CRYBB3: variants seen among roughly 807,000 people sequenced by gnomAD.
CRYBB3 encodes crystallin beta B3.
A neutral mutation model predicts 28.3 loss-of-function variants in CRYBB3; 35 were observed. The ratio of observed to expected loss-of-function variants is 1.24; its 90% confidence interval spans 0.95 to 1.64. The LOEUF is 1.64. Ranked by LOEUF, CRYBB3 falls within the 40% of genes most tolerant of loss-of-function variation. CRYBB3 has a pLI of 0.00. For missense variants in CRYBB3, 296 were observed against 297.4 expected, an observed-to-expected ratio of 1.00 and a Z score of 0.04; for synonymous variants, 106 against 110.4, an observed-to-expected ratio of 0.96 and a Z score of 0.25.
rs113363513 is a variant in CRYBB3 at position 25,201,358 on chromosome 22, A to G, written c.-20-19A>G. ...TTCTCCCGGGTGGATCCAGTGAACC[A>G]TTTTCTTTTGGTTTGAAGCCAGAGG... On this transcript the variant is annotated intron_variant, in intron 1 of 5. Transcript: ENST00000215855. 1.6e-5 allele frequency: 25 copies of G among 1,611,290 alleles called. No individual in the cohort carries two copies. In the African/African-American group the frequency reaches 2.3e-4, roughly 15 times the overall value.
chr22:25,205,203 C>G lies in CRYBB3; in HGVS notation c.328-17C>G, dbSNP rs1340634484. The G allele has an allele frequency of 6.2e-7, 1 of 1,613,554 alleles. No individual in the cohort carries two copies. Among genetic ancestry groups the G allele is most frequent in the Admixed American group, 1.7e-5 (1 of 60,000 alleles). ...TGGATATGGGAGCAGCCGCTCACCC[C>G]ACGATATTGCCCTCAGGATAGTCCA... is the stretch of plus-strand genomic sequence containing the variant. On this transcript the variant is annotated splice_polypyrimidine_tract_variant and intron_variant, in intron 4 of 5. Coordinates refer to ENST00000215855, the MANE Select transcript of CRYBB3 (RefSeq NM_004076.5).
At position 25,201,424 on chromosome 22, in the gene CRYBB3, C is replaced by A. The variant is rs1359445455; in HGVS notation, c.28C>A (p.Gln10Lys). 6.2e-7 allele frequency: 1 copy of A among 1,613,496 alleles called. No homozygotes were observed. The change falls in exon 2 of 6, where the codon CAG (glutamine) becomes AAG (lysine). Residue 10 changes from glutamine to lysine, a missense_variant. By Grantham distance (53) the Gln-to-Lys change is moderately conservative (BLOSUM62 1). Coordinates refer to ENST00000215855, the MANE Select transcript of CRYBB3 (RefSeq NM_004076.5). ...GGCGGAACAGCACGGAGCACCCGAA[C>A]AGGCTGCAGCTGGCAAGAGCCATGG... is the stretch of plus-strand genomic sequence containing the variant. MAEQHGAPE[Q>K]AAAGKSHGDL...
chr22:25,203,981 G>A, intron 4 of CRYBB3, 86 bp downstream of exon 4: 1 of 1,575,188 alleles, frequency 6.3e-7, no homozygotes, highest in African/African-American at 1.3e-5. Context: ...CACAAGCTGG[G>A]CTGAGGGTTT....
At chr22:25,205,192 G>A in intron 4 of CRYBB3, 28 bp from the exon 5 acceptor site, 2 of 1,613,026 alleles carry the variant, frequency 1.2e-6, no homozygotes, top group Non-Finnish European at 1.7e-6. Flanking sequence ...TATGGGAGCA[G>A]CCGCTCACCC....
At chr22:25,202,848 G>A in intron 3 of CRYBB3, 56 bp downstream of exon 3, 2 of 1,605,798 alleles carry the variant, frequency 1.2e-6, no homozygotes, top group Non-Finnish European at 1.7e-6. Context: ...TGGGAGTGTG[G>A]AGGCCCCAGT....
intron 1 of CRYBB3, 96 bp from the exon 2 acceptor site, chr22:25,201,281 G>A (rs2146071777): frequency 6.3e-7 from 1 of 1,583,062 alleles, no homozygotes; most frequent in Non-Finnish European, 8.6e-7. Flanking sequence ...ACGCCCCATG[G>A]GCAGCAAGGC....
In CRYBB3 at chr22:25,207,129, G is replaced by C. The variant is rs778621834; in HGVS notation, c.553G>C (p.Asp185His). The change falls in exon 6 of 6, where the codon GAC becomes CAC. Residue 185 changes from aspartate to histidine, a missense_variant. By Grantham distance (81) the Asp-to-His change is moderately conservative (BLOSUM62 -1). Coordinates refer to ENST00000215855, the MANE Select transcript of CRYBB3 (RefSeq NM_004076.5). ...CGAGTACCGCCACTGGAATGAGTGG[G>C]ACGCCAGCCAGCCGCAGCTGCAGTC... ...RGEYRHWNEW[D>H]ASQPQLQSVR... 1.9e-6 allele frequency: 3 copies of C among 1,613,506 alleles called. No individual in the cohort carries two copies.
intron 5 of CRYBB3, among the ~76,000 whole-genome samples, chr22:25,206,489 G>C (rs1443753413): frequency 6.6e-6 from 1 of 152,174 alleles, no homozygotes; most frequent in Non-Finnish European, 1.5e-5. Context: ...GTTGTAGTGA[G>C]CCGAGATCAC....
At position 25,205,377 on chromosome 22, in the gene CRYBB3, C is replaced by A. The variant is rs760118838; in HGVS notation, c.470+15C>A. 2 of 1,613,784 alleles carry A rather than the reference C, an allele frequency of 1.2e-6. No individual in the cohort carries two copies. Among genetic ancestry groups the A allele is most frequent in the Admixed American group, 1.7e-5 (1 of 59,994 alleles). ...ATCAACGGGACGTAAGGGACCCAAC[C>A]CTCACCCTTGCCCCATCTTCTGGTC... On this transcript the variant is annotated intron_variant, in intron 5 of 5. Transcript: ENST00000215855.
At chr22:25,203,643 TA>T in intron 3 of CRYBB3, 119 bp from the exon 4 acceptor site, 2 of 1,094,808 alleles carry the variant, frequency 1.8e-6, no homozygotes, top group South Asian at 2.6e-5. Flanking sequence ...GAATTAGCAG[TA>T]GGGTTGGAGG....
At chr22:25,203,954 G>A in intron 4 of CRYBB3, 59 bp downstream of exon 4, 1 of 1,609,182 alleles carries the variant, frequency 6.2e-7, no homozygotes, top group African/African-American at 1.3e-5. Context: ...ACTGAGAGCT[G>A]GTCAGGCAGC....
At chr22:25,201,498 G>A (rs1334105576) in intron 2 of CRYBB3, 27 bp downstream of exon 2, 1 of 1,610,082 alleles carries the variant, frequency 6.2e-7, no homozygotes. Flanking sequence ...GGGTCAGAGG[G>A]CCCAGGCTAC....
intron 2 of CRYBB3, 52 bp downstream of exon 2, chr22:25,201,523 G>A: frequency 1.2e-6 from 2 of 1,600,832 alleles, no homozygotes; most frequent in South Asian, 2.2e-5. Context: ...GGGCCTCAGG[G>A]TCATCTTCCC....
In CRYBB3 at chr22:25,202,745, C is replaced by G; in HGVS notation, c.147C>G (p.Thr49=). The G allele has an allele frequency of 6.2e-7, 1 of 1,614,044 alleles. No individual in the cohort carries two copies. The highest frequency in any genetic ancestry group is 1.7e-5 in the Admixed American group (1 of 60,026). ...CELSAECPSL[T]DSLLEKVGSI... ...TCTCGGCCGAGTGCCCCAGCCTGAC[C>G]GACAGCCTGCTGGAGAAGGTGGGCT... The change falls in exon 3 of 6, where the codon ACC becomes ACG. Residue 49 remains threonine, a synonymous_variant. Coordinates refer to ENST00000215855, the MANE Select transcript of CRYBB3 (RefSeq NM_004076.5).
intron 4 of CRYBB3, among the ~76,000 whole-genome samples, chr22:25,204,286 A>C (rs994095077): frequency 6.6e-6 from 1 of 152,254 alleles, no homozygotes; most frequent in Admixed American, 6.5e-5. Context: ...TAGCACCTGA[A>C]AGGGACACAG....
Position 25,205,221 on chromosome 22 carries a change from A to G in CRYBB3, c.329A>G (p.Asp110Gly), listed in dbSNP as rs370333197. 6.2e-6 allele frequency: 10 copies of G among 1,613,822 alleles called. No homozygotes were observed. The African/African-American group carries it at 1.1e-4, about 17-fold the overall frequency. Residue 110 changes from aspartate to glycine, a missense_variant and splice_region_variant, in exon 5 of 6, where the codon GAT becomes GGT. By Grantham distance (94) the Asp-to-Gly change is moderately conservative. Coordinates refer to ENST00000215855, the MANE Select transcript of CRYBB3 (RefSeq NM_004076.5). ...SLLSLRPLNIDSPHHKLHLFE... is the reference protein window; with the variant it reads ...SLLSLRPLNIGSPHHKLHLFE... Reference sequence around the variant, plus strand: ...CTCACCCCACGATATTGCCCTCAGGATAGTCCACATCACAAGCTGCATCTG... The same window carrying G: ...CTCACCCCACGATATTGCCCTCAGGGTAGTCCACATCACAAGCTGCATCTG...
At chr22:25,205,149 G>A (rs746643400) in intron 4 of CRYBB3, 71 bp from the exon 5 acceptor site, 59 of 1,601,626 alleles carry the variant, frequency 3.7e-5, no homozygotes, top group African/African-American at 9.4e-5. Context: ...GATTCTTTCC[G>A]GCATCTGGAG....
chr22:25,205,980 A>G (rs1464387584), intron 5 of CRYBB3, among the ~76,000 whole-genome samples: 1 of 152,110 alleles, frequency 6.6e-6, no homozygotes, highest in Non-Finnish European at 1.5e-5. Flanking sequence ...CCCAGGATGT[A>G]TGCAGTTATT....
rs1171103670 is a variant in CRYBB3, at chr22:25,203,782, A to G, written c.214A>G (p.Arg72Gly). ...ESGPWLAFES[R>G]AFRGEQFVLE... ...CCTCAGGTGGCTGGCATTTGAGTCC[A>G]GGGCCTTCCGCGGGGAGCAGTTTGT... Residue 72 changes from arginine (R) to glycine (G), a missense_variant, in exon 4 of 6, where the codon AGG becomes GGG. Transcript: ENST00000215855. 1.9e-6 allele frequency: 3 copies of G among 1,614,092 alleles called. No individual in the cohort carries two copies. In the Admixed American group the frequency reaches 5.0e-5, roughly 27 times the overall value.
Sources: allele counts gnomAD v4.1 joint callset (sites outside exome capture counted in the v4.1 genomes callset), GRCh38; gene constraint gnomAD v4.1.1; transcripts MANE v1.5; gene names NCBI Gene and HGNC (gene_info 2026-07-23, HGNC 2026-07-21).